The following DTWD2 variants were observed in gnomAD, a reference collection of about 807,000 sequenced individuals.
The protein encoded by DTWD2 is DTW motif tRNA-uridine aminocarboxypropyltransferase 2.
Under a neutral mutation model 31.8 loss-of-function variants are expected in DTWD2, and 39 were observed. That is an observed-to-expected ratio of 1.22 (90% CI 0.95 to 1.60). The LOEUF is 1.60. DTWD2 is among the 40% of genes most tolerant of loss of function. The pLI is 0.00. For synonymous variants in DTWD2, 180 were observed against 142.8 expected (o/e 1.26, Z -1.86); for missense variants, 515 against 381.5 (o/e 1.35, Z -2.92).
chr5:118,885,033 G>T (rs1416217425), intron 4 of DTWD2, among the ~76,000 whole-genome samples: 1 of 149,186 alleles, frequency 6.7e-6, no homozygotes, highest in Non-Finnish European at 1.5e-5. Context: ...TCCAGGTTGG[G>T]TATAGTGGCT....
chr5:118,914,078 T>C (rs1432772455), intron 4 of DTWD2, among the ~76,000 whole-genome samples: 1 of 152,186 alleles, frequency 6.6e-6, no homozygotes, highest in African/African-American at 2.4e-5. Context: ...TTATCAGATA[T>C]ATAAAAGCCT....
chr5:118,893,167 G>T (rs1753010533), intron 4 of DTWD2, among the ~76,000 whole-genome samples: 1 of 151,994 alleles, frequency 6.6e-6, no homozygotes, highest in African/African-American at 2.4e-5. Context: ...TTAAGATCAG[G>T]AGTTCGAGAC....
intron 4 of DTWD2, among the ~76,000 whole-genome samples, chr5:118,911,477 C>T (rs1389190662): frequency 6.6e-6 from 1 of 152,130 alleles, no homozygotes; most frequent in African/African-American, 2.4e-5. Flanking sequence ...ATAGAACTAC[C>T]ATATGATCCA....
rs114272546 is a variant in DTWD2, at chr5:118,898,721, C to G, written c.597+29816G>C. On this transcript the variant is annotated intron_variant, in intron 4 of 5. Transcript: ENST00000510708. ...TTTAAAATCTAATAAAGCTTGGCAT[C>G]AAAACAGTTACGAAAATCTACAGTA... 6.8e-3 allele frequency among the ~76,000 whole-genome samples: 1,025 copies of G among 150,316 alleles called. 20 individuals carry two copies. The highest frequency in any genetic ancestry group is 0.024 in the African/African-American group (967 of 40,978).
At chr5:118,978,690 A>T (rs139129527) in intron 1 of DTWD2, among the ~76,000 whole-genome samples, 3,875 of 152,352 alleles carry the variant, frequency 0.025, 175 homozygotes, top group African/African-American at 0.087. Flanking sequence ...ATCTCATGCC[A>T]GTCAGAATGG....
intron 4 of DTWD2, among the ~76,000 whole-genome samples, chr5:118,898,935 T>C (rs912788569): frequency 1.3e-5 from 2 of 152,234 alleles, no homozygotes; most frequent in African/African-American, 2.4e-5. Context: ...CAATTCTGTA[T>C]CTGTGAAATC....
chr5:118,868,097 A>C (rs1286120591), intron 4 of DTWD2, among the ~76,000 whole-genome samples: 1 of 152,198 alleles, frequency 6.6e-6, no homozygotes, highest in Non-Finnish European at 1.5e-5. Flanking sequence ...TAAAGAGCCC[A>C]AAAATAAATT....
chr5:118,863,158 T>C (rs185489434), intron 4 of DTWD2, among the ~76,000 whole-genome samples: 49 of 152,338 alleles, frequency 3.2e-4, no homozygotes, highest in African/African-American at 1.1e-3. Flanking sequence ...GTTACGTTTT[T>C]CAGTTCATAG....
At position 118,988,069 on chromosome 5, in the gene DTWD2, G is replaced by C. The variant is rs908728044; in HGVS notation, c.218+225C>G. On this transcript the variant is annotated intron_variant, in intron 1 of 5. Transcript: ENST00000510708. ...CTGATGTCTGCTCATCCCATGATAC[G>C]CTCAGCATATTGCAGGAAGTAAGGT... The C allele has an allele frequency of 5.6e-6, 4 of 716,556 alleles. No individual in the cohort carries two copies. The African/African-American group carries it at 7.0e-5, about 12-fold the overall frequency. The allele number at this position is 716,556 out of a possible 1,614,324, so 44.4% of individuals were successfully genotyped here.
At position 118,933,555 on chromosome 5, in the gene DTWD2, G is replaced by A. The variant is rs76428461; in HGVS notation, c.405-4826C>T. Among the ~76,000 whole-genome samples, 127 of 152,020 alleles carry A rather than the reference G, an allele frequency of 8.4e-4. No homozygotes were observed. In the East Asian group the frequency reaches 0.022, roughly 27 times the overall value. On this transcript the variant is annotated intron_variant, in intron 3 of 5. Coordinates refer to ENST00000510708, the MANE Select transcript of DTWD2 (RefSeq NM_173666.4). ...AATGGACTAAAGAAGAAACATCAAAGGACTGTATCAATTCACAAAGAAAAC... is the reference window on the plus strand; with the variant it reads ...AATGGACTAAAGAAGAAACATCAAAAGACTGTATCAATTCACAAAGAAAAC...
intron 4 of DTWD2, among the ~76,000 whole-genome samples, chr5:118,919,290 T>G (rs1020819239): frequency 6.6e-6 from 1 of 152,250 alleles, no homozygotes; most frequent in Non-Finnish European, 1.5e-5. Context: ...CCAGCACATG[T>G]GCTCCTCCTT....
At chr5:118,928,886 A>G (rs941453038) in intron 3 of DTWD2, among the ~76,000 whole-genome samples, 157 bp from the exon 4 acceptor site, 2 of 152,230 alleles carry the variant, frequency 1.3e-5, no homozygotes, top group Non-Finnish European at 2.9e-5. Flanking sequence ...AAAAGACTCA[A>G]AATTTTGTGT....
chr5:118,958,314 C>T (rs1247137884), intron 1 of DTWD2, among the ~76,000 whole-genome samples: 1 of 151,824 alleles, frequency 6.6e-6, no homozygotes, highest in Non-Finnish European at 1.5e-5. Context: ...CAAAATGAGC[C>T]GGGTGTGGTG....
chr5:118,856,890 A>G (rs753731099), intron 4 of DTWD2, among the ~76,000 whole-genome samples: 2 of 147,100 alleles, frequency 1.4e-5, no homozygotes, highest in Non-Finnish European at 3.0e-5. Context: ...CTCCTGCCTC[A>G]GCCTCCCAAG....
chr5:118,937,004 A>G (rs1304278357), intron 3 of DTWD2, among the ~76,000 whole-genome samples: 2 of 152,178 alleles, frequency 1.3e-5, no homozygotes, highest in Non-Finnish European at 2.9e-5. Flanking sequence ...CATTTCTTTG[A>G]AAGGTACAAA....
rs1751567555 is a variant in DTWD2, at chr5:118,836,332, C to G, written c.*4585G>C. 6.6e-6 allele frequency among the ~76,000 whole-genome samples: 1 copy of G among 152,054 alleles called. No homozygotes were observed. Among genetic ancestry groups the G allele is most frequent in the Non-Finnish European group, 1.5e-5 (1 of 68,014 alleles). ...TCAGCTCACTGCAACCTCTGCCTCCCAGGTTCAAGCAATTCTCTGCCTCAG... is the reference window on the plus strand; with the variant it reads ...TCAGCTCACTGCAACCTCTGCCTCCGAGGTTCAAGCAATTCTCTGCCTCAG... On this transcript the variant is annotated 3_prime_UTR_variant, in exon 6 of 6. Transcript: ENST00000510708.
chr5:118,954,648 G>A (rs1365478159), intron 1 of DTWD2, among the ~76,000 whole-genome samples: 2 of 152,118 alleles, frequency 1.3e-5, no homozygotes, highest in African/African-American at 4.8e-5. Flanking sequence ...GAGTAGCTGA[G>A]GTTACAGGTG....
At chr5:118,972,554 G>A (rs144025881) in intron 1 of DTWD2, among the ~76,000 whole-genome samples, 180 of 152,244 alleles carry the variant, frequency 1.2e-3, no homozygotes, top group African/African-American at 4.0e-3. Flanking sequence ...GTACAAAGAC[G>A]AGCTGGTACC....
intron 4 of DTWD2, among the ~76,000 whole-genome samples, chr5:118,894,931 T>C (rs1189315586): frequency 6.6e-6 from 1 of 152,128 alleles, no homozygotes; most frequent in Admixed American, 6.5e-5. Flanking sequence ...CTGAAAGCCT[T>C]TCCAGTAAGA....
Sources: gnomAD v4.1 joint callset for allele counts (sites outside exome capture counted in the v4.1 genomes callset) on GRCh38, gnomAD v4.1.1 for gene constraint, MANE v1.5 for transcripts, NCBI Gene and HGNC (gene_info 2026-07-23, HGNC 2026-07-21) for gene names.